Variants in RIMBP2 observed in about 807,000 individuals in gnomAD.
The protein encoded by RIMBP2 is RIMS-binding protein 2.
In RIMBP2, 48 loss-of-function variants were observed where a neutral mutation model predicts 118.6. The ratio of observed to expected loss-of-function variants is 0.40; its 90% CI spans 0.32 to 0.51. RIMBP2 has a LOEUF of 0.51. Among genes scored for constraint, RIMBP2 ranks in the 20% least tolerant of loss-of-function variants. The pLI, the probability that RIMBP2 is intolerant of heterozygous loss-of-function variation, is 0.41. For missense variants in RIMBP2, 1,551 were observed against 1,768.3 expected (o/e 0.88, Z 2.20); for synonymous variants, 762 against 742.9 (o/e 1.03, Z -0.42).
At position 130,617,720 on chromosome 12, in the gene RIMBP2, C is replaced by T. The variant is rs188447498; in HGVS notation, c.-217+10602G>A. Among the ~76,000 whole-genome samples, 78 of 152,288 alleles carry T rather than the reference C, an allele frequency of 5.1e-4. No homozygotes were observed. The highest frequency in any genetic ancestry group is 1.7e-3 in the African/African-American group (69 of 41,552). ...CCAGCACCTTCAGTCCTCGAAGGTC[C>T]GCAGATGCACCCCAGTTCTGAATTC... On this transcript the variant is annotated intron_variant, in intron 2 of 22. Transcript: ENST00000690449. The surrounding 1 kb of genome is among the most constrained non-coding windows in gnomAD (Gnocchi z 4.6).
At chr12:130,606,010 G>T (rs2060162898) in intron 2 of RIMBP2, among the ~76,000 whole-genome samples, 1 of 152,090 alleles carries the variant, frequency 6.6e-6, no homozygotes, top group African/African-American at 2.4e-5. Context: ...AGAGGTTGCA[G>T]TAAGCCGAGA....
In RIMBP2 at chr12:130,434,322, A is replaced by G. The variant is rs1416464470; in HGVS notation, c.2253+412T>C. Among the ~76,000 whole-genome samples the G allele has an allele frequency of 6.6e-6, 1 of 152,048 alleles. No homozygotes were observed. The highest frequency in any genetic ancestry group is 1.9e-4 in the East Asian group (1 of 5,168). ...CGTTTTGCTGTTCTGAAGGACGAACACTGACTGTGTTATTTTTGGCTCCCA... is the reference window on the plus strand; with the variant it reads ...CGTTTTGCTGTTCTGAAGGACGAACGCTGACTGTGTTATTTTTGGCTCCCA... On this transcript the variant is annotated intron_variant, in intron 14 of 22. Coordinates refer to ENST00000690449, the MANE Select transcript of RIMBP2 (RefSeq NM_001393629.1). The surrounding 1 kb of genome is among the most constrained non-coding windows in gnomAD (Gnocchi z 5.7).
In RIMBP2 at chr12:130,581,977, C is replaced by T. The variant is rs1255659589; in HGVS notation, c.-217+46345G>A. 6.6e-6 allele frequency among the ~76,000 whole-genome samples: 1 copy of T among 152,110 alleles called. No homozygotes were observed. The highest frequency in any genetic ancestry group is 1.5e-5 in the Non-Finnish European group (1 of 68,022). On this transcript the variant is annotated intron_variant, in intron 2 of 22. Transcript: ENST00000690449. The surrounding 1 kb of genome is among the most constrained non-coding windows in gnomAD (Gnocchi z 4.4). Reference sequence around the variant, plus strand: ...CTCACTTCACCACCACCACCACCACCGACCTCAGGACCTTTGCACCTGCTG... The same window carrying T: ...CTCACTTCACCACCACCACCACCACTGACCTCAGGACCTTTGCACCTGCTG...
In RIMBP2 at chr12:130,620,706, C is replaced by T. The variant is rs116672770; in HGVS notation, c.-217+7616G>A. 5.4e-3 allele frequency among the ~76,000 whole-genome samples: 818 copies of T among 152,304 alleles called. 8 individuals carry two copies. Among genetic ancestry groups the T allele is most frequent in the African/African-American group, 0.018 (768 of 41,574 alleles). ...TGCCAATGTTCTCTGCATCCAATCCCCCTCTCTGTAAGGACACCAGTCATA... is the reference window on the plus strand; with the variant it reads ...TGCCAATGTTCTCTGCATCCAATCCTCCTCTCTGTAAGGACACCAGTCATA... On this transcript the variant is annotated intron_variant, in intron 2 of 22. Coordinates refer to ENST00000690449, the MANE Select transcript of RIMBP2 (RefSeq NM_001393629.1). The surrounding 1 kb of genome is among the most constrained non-coding windows in gnomAD (Gnocchi z 5.3).
intron 2 of RIMBP2, among the ~76,000 whole-genome samples, chr12:130,577,117 A>C (rs2058139248): frequency 6.6e-6 from 1 of 152,186 alleles, no homozygotes; most frequent in Admixed American, 6.5e-5. Context: ...CCAGAGGCTC[A>C]GGTTCAAATC....
At chr12:130,627,092 C>T (rs2140912883) in intron 2 of RIMBP2, among the ~76,000 whole-genome samples, 1 of 152,178 alleles carries the variant, frequency 6.6e-6, no homozygotes, top group South Asian at 2.1e-4. Context: ...ACCACCGTCT[C>T]CTCCATCACT....
rs888859825 is a variant in RIMBP2 at position 130,620,460 on chromosome 12, G to A, written c.-217+7862C>T. ...TGCTGCGTGCAACCAGAGACCTCAC[G>A]TTAGTTTCCTCCAGCCGCCGTGACA... On this transcript the variant is annotated intron_variant, in intron 2 of 22. Transcript: ENST00000690449. This position sits in a 1 kb window ranked among gnomAD's most constrained non-coding sequence, Gnocchi z 5.3. Among the ~76,000 whole-genome samples the A allele has an allele frequency of 4.6e-5, 7 of 152,254 alleles. No individual in the cohort carries two copies. Among genetic ancestry groups the A allele is most frequent in the Non-Finnish European group, 1.0e-4 (7 of 68,028 alleles).
chr12:130,634,749 G>A (rs899722889), intron 1 of RIMBP2, among the ~76,000 whole-genome samples: 5 of 151,980 alleles, frequency 3.3e-5, no homozygotes, highest in African/African-American at 1.2e-4. Context: ...TTACCACCAT[G>A]CCTGGCTAAT....
chr12:130,548,876 C>T (rs927806128), intron 2 of RIMBP2, among the ~76,000 whole-genome samples: 3 of 152,056 alleles, frequency 2.0e-5, no homozygotes, highest in Non-Finnish European at 2.9e-5. Context: ...CATGAGCCGC[C>T]GTGCCCAGCC....
intron 6 of RIMBP2, among the ~76,000 whole-genome samples, chr12:130,460,017 T>C (rs1877974): frequency 6.6e-6 from 1 of 152,264 alleles, no homozygotes; most frequent in East Asian, 1.9e-4. Context: ...GCGGGTAAAC[T>C]AATCTACGCA....
intron 3 of RIMBP2, among the ~76,000 whole-genome samples, chr12:130,512,556 C>G (rs745336448): frequency 2.6e-5 from 4 of 152,190 alleles, no homozygotes; most frequent in Admixed American, 1.3e-4. Context: ...CTCCTGACCT[C>G]AGGTGATCCA....
chr12:130,653,742 G>A (rs1026168228), intron 1 of RIMBP2, among the ~76,000 whole-genome samples: 1 of 152,234 alleles, frequency 6.6e-6, no homozygotes, highest in Non-Finnish European at 1.5e-5. Context: ...AAGCCACCAA[G>A]CCTCCTTCAT....
At chr12:130,439,834 T>TATGTGC (rs2077954024) in intron 11 of RIMBP2, among the ~76,000 whole-genome samples, 1 of 144,294 alleles carries the variant, frequency 6.9e-6, no homozygotes, top group Non-Finnish European at 1.5e-5. Flanking sequence ...TGTGTGTGTG[T>TATGTGC]ATGTGTATCT....
intron 1 of RIMBP2, among the ~76,000 whole-genome samples, chr12:130,650,787 G>GA (rs912155656): frequency 5.9e-5 from 9 of 151,950 alleles, no homozygotes; most frequent in African/African-American, 2.2e-4. Flanking sequence ...AGCGTCGGGG[G>GA]AGAGATTTTT....
intron 2 of RIMBP2, among the ~76,000 whole-genome samples, chr12:130,600,424 C>G (rs990082267): frequency 1.3e-5 from 2 of 152,162 alleles, no homozygotes; most frequent in African/African-American, 4.8e-5. Context: ...AGAACCTCCC[C>G]GCTGGCCAGA....
intron 1 of RIMBP2, among the ~76,000 whole-genome samples, chr12:130,656,620 G>A (rs1273415441): frequency 2.0e-5 from 3 of 152,032 alleles, no homozygotes; most frequent in South Asian, 2.1e-4. Context: ...GCACTCCTCC[G>A]CTTGTGAGCG....
intron 1 of RIMBP2, among the ~76,000 whole-genome samples, chr12:130,653,771 C>T (rs1321102453): frequency 2.0e-5 from 3 of 152,218 alleles, no homozygotes; most frequent in East Asian, 1.9e-4. Flanking sequence ...TCTGTGCACC[C>T]GCAGGCTTAA....
At chr12:130,509,727 C>A (rs865922174) in intron 3 of RIMBP2, among the ~76,000 whole-genome samples, 2 of 132,658 alleles carry the variant, frequency 1.5e-5, no homozygotes, top group Non-Finnish European at 3.1e-5. Flanking sequence ...ATGCCCTCTG[C>A]CCCCCCGCCC....
chr12:130,485,753 C>T (rs536886550), intron 4 of RIMBP2, among the ~76,000 whole-genome samples: 1 of 152,288 alleles, frequency 6.6e-6, no homozygotes, highest in East Asian at 1.9e-4. Flanking sequence ...GGTCCTGCGG[C>T]CTCAGAGTCA....
Sources: gnomAD v4.1 joint callset for allele counts (sites outside exome capture counted in the v4.1 genomes callset) on GRCh38, gnomAD v4.1.1 for gene constraint, Gnocchi (gnomAD v3.1) non-coding constraint, MANE v1.5 for transcripts, NCBI Gene and HGNC (gene_info 2026-07-23, HGNC 2026-07-21) for gene names.